The following SNX13 variants were observed in gnomAD, a reference collection of about 807,000 sequenced individuals.
The protein encoded by SNX13 is sorting nexin 13.
SNX13 carries 45 observed loss-of-function variants against 133.6 expected under a neutral mutation model. That is an observed-to-expected ratio of 0.34 (90% confidence interval 0.27 to 0.43). The LOEUF (loss-of-function observed/expected upper bound fraction) is 0.43, where lower values mean the gene tolerates loss of function less well. Among genes scored for constraint, SNX13 ranks in the 20% least tolerant of loss-of-function variants. The probability of loss-of-function intolerance (pLI) is 1.00; values close to 1 mark genes in which losing one functional copy is unlikely to be tolerated. For missense variants in SNX13, 1,032 were observed against 1,145.1 expected (o/e 0.90, Z 1.43); for synonymous variants, 414 against 373.9 (o/e 1.11, Z -1.24).
At position 17,793,850 on chromosome 7, in the gene SNX13, C is replaced by T. The variant is rs1783775302; in HGVS notation, c.*195G>A. The T allele has an allele frequency of 1.8e-6, 1 of 566,114 alleles. No homozygotes were observed. The highest frequency in any genetic ancestry group is 3.5e-5 in the South Asian group (1 of 28,758). 35.1% of individuals were successfully genotyped at this position (566,114 alleles called of 1,614,324 possible). A position where few individuals can be genotyped will look rare whatever the true frequency, so the allele number is the denominator to read the frequency against. Reference sequence around the variant, plus strand: ...AAAATATGCACCAAATCATTTAAGACACAGAAATCTCTCTTGGTAGTGGTG... The same window carrying T: ...AAAATATGCACCAAATCATTTAAGATACAGAAATCTCTCTTGGTAGTGGTG... On this transcript the variant is annotated 3_prime_UTR_variant, in exon 26 of 26. Coordinates refer to ENST00000428135, the MANE Select transcript of SNX13 (RefSeq NM_015132.5).
intron 1 of SNX13, among the ~76,000 whole-genome samples, chr7:17,911,952 G>C (rs1182201802): frequency 6.6e-6 from 1 of 152,134 alleles, no homozygotes; most frequent in Non-Finnish European, 1.5e-5. Flanking sequence ...CATAGTCTGA[G>C]GTCACTAAAT....
chr7:17,888,354 G>GA (rs924094118), intron 5 of SNX13: 307 of 185,044 alleles, frequency 1.7e-3, no homozygotes, highest in Middle Eastern at 4.4e-3. Context: ...GTTTTCAAAA[G>GA]AAAAAAAAAC....
At position 17,915,466 on chromosome 7, in the gene SNX13, G is replaced by A. The variant is rs553378292; in HGVS notation, c.13-18020C>T. 5.3e-4 allele frequency among the ~76,000 whole-genome samples: 81 copies of A among 152,234 alleles called. 1 individual carries two copies. In the East Asian group the frequency reaches 0.014, roughly 27 times the overall value. Reference sequence around the variant, plus strand: ...TATTGTAAGCCCGTCAATGATATGCGGTAAAGTCAACCGACAAACAACCCC... The same window carrying A: ...TATTGTAAGCCCGTCAATGATATGCAGTAAAGTCAACCGACAAACAACCCC... On this transcript the variant is annotated intron_variant, in intron 1 of 25. Coordinates refer to ENST00000428135, the MANE Select transcript of SNX13 (RefSeq NM_015132.5).
intron 5 of SNX13, 69 bp downstream of exon 5, chr7:17,890,294 G>A: frequency 2.8e-6 from 4 of 1,443,978 alleles, no homozygotes; most frequent in Non-Finnish European, 3.7e-6. Flanking sequence ...CCCCTTAAAA[G>A]TTGTTTTCCT....
chr7:17,816,498 C>A (rs1191341858), intron 18 of SNX13, among the ~76,000 whole-genome samples: 1 of 152,084 alleles, frequency 6.6e-6, no homozygotes. Flanking sequence ...CCTGTCTCTA[C>A]TAAAAATACA....
chr7:17,840,957 C>T (rs2128317078), intron 12 of SNX13, among the ~76,000 whole-genome samples: 1 of 152,104 alleles, frequency 6.6e-6, no homozygotes, highest in African/African-American at 2.4e-5. Context: ...CAGTCCATTC[C>T]AGCTCTTAGC....
intron 9 of SNX13, 112 bp from the exon 10 acceptor site, chr7:17,851,076 T>TA (rs1791145246): frequency 8.9e-7 from 1 of 1,117,366 alleles, no homozygotes; most frequent in Non-Finnish European, 1.2e-6. Context: ...ACTCAGTGCT[T>TA]ACAACAAAAA....
intron 8 of SNX13, 81 bp from the exon 9 acceptor site, chr7:17,868,571 C>T (rs1793682288): frequency 1.0e-5 from 11 of 1,086,292 alleles, no homozygotes; most frequent in African/African-American, 6.4e-5. Context: ...TAACACAATG[C>T]TGTTACTTAA....
intron 9 of SNX13, among the ~76,000 whole-genome samples, chr7:17,863,825 C>G (rs760494970): frequency 2.0e-5 from 3 of 152,240 alleles, no homozygotes; most frequent in African/African-American, 4.8e-5. Flanking sequence ...TACACAGAAA[C>G]AGACCCTTTG....
intron 1 of SNX13, among the ~76,000 whole-genome samples, chr7:17,900,418 C>T (rs1281886700): frequency 6.6e-6 from 1 of 152,204 alleles, no homozygotes; most frequent in Admixed American, 6.6e-5. Flanking sequence ...TTCTCCCATT[C>T]CTGGGCAGGT....
intron 25 of SNX13, 51 bp from the exon 26 acceptor site, chr7:17,794,343 C>T: frequency 1.3e-6 from 2 of 1,561,442 alleles, no homozygotes; most frequent in Non-Finnish European, 1.7e-6. Context: ...AAACACAAGG[C>T]CTAAACTCTT....
At chr7:17,886,841 G>C (rs142318612) in intron 5 of SNX13, among the ~76,000 whole-genome samples, 1 of 152,088 alleles carries the variant, frequency 6.6e-6, no homozygotes, top group African/African-American at 2.4e-5. Flanking sequence ...ACTCCGTTCA[G>C]GTCTTCATCA....
At chr7:17,882,055 T>C (rs1795406375) in intron 5 of SNX13, 2 of 152,226 alleles carry the variant, frequency 1.3e-5, no homozygotes, top group Admixed American at 6.5e-5. Context: ...AGTTAATGTA[T>C]GAGTACCCCC....
chr7:17,930,638 C>T (rs1447141462), intron 1 of SNX13, among the ~76,000 whole-genome samples: 3 of 152,198 alleles, frequency 2.0e-5, no homozygotes, highest in Admixed American at 6.5e-5. Context: ...GCAACCAATA[C>T]TCACTATTTG....
chr7:17,816,096 C>G (rs1786625961), intron 19 of SNX13, 86 bp downstream of exon 19: 1 of 1,373,628 alleles, frequency 7.3e-7, no homozygotes, highest in Non-Finnish European at 9.6e-7. Flanking sequence ...TAAAAACATT[C>G]TGTGTGCTAT....
At chr7:17,857,583 A>C (rs1792078014) in intron 9 of SNX13, among the ~76,000 whole-genome samples, 2 of 152,294 alleles carry the variant, frequency 1.3e-5, no homozygotes, top group Middle Eastern at 3.4e-3. Context: ...CAGGAGTTCA[A>C]GACCAGCCTG....
Position 17,825,254 on chromosome 7 carries a change from T to C in SNX13, c.1705+768A>G, listed in dbSNP as rs189482943. Among the ~76,000 whole-genome samples, 6 of 114,820 alleles carry C rather than the reference T, an allele frequency of 5.2e-5. No homozygotes were observed. The East Asian group carries it at 1.6e-3, about 31-fold the overall frequency. 75.3% of individuals were successfully genotyped at this position (114,820 alleles called of 152,430 possible). A position where few individuals can be genotyped will look rare whatever the true frequency, so the allele number is the denominator to read the frequency against. ...ACAAGTTAATGTCTTCTAAACTAGA[T>C]TAAACTAGACTAGACTAGACTAGAC... On this transcript the variant is annotated intron_variant, in intron 17 of 25. Transcript: ENST00000428135.
intron 11 of SNX13, among the ~76,000 whole-genome samples, chr7:17,849,160 T>C (rs1790905903): frequency 6.6e-6 from 1 of 152,188 alleles, no homozygotes; most frequent in South Asian, 2.1e-4. Context: ...GGATCTCAAA[T>C]TAAAATACCC....
Position 17,883,798 on chromosome 7 carries a change from T to A in SNX13, c.440+6565A>T, listed in dbSNP as rs182493947. Among the ~76,000 whole-genome samples, 596 of 151,964 alleles carry A rather than the reference T, an allele frequency of 3.9e-3. 5 individuals are homozygous for A. The highest frequency in any genetic ancestry group is 0.014 in the African/African-American group (576 of 41,432). On this transcript the variant is annotated intron_variant, in intron 5 of 25. Transcript: ENST00000428135. Reference sequence around the variant, plus strand: ...CATCGTTCTCATCTCATCACGCCACTCATGGGTGAGAACATACGGTGTTTG... The same window carrying A: ...CATCGTTCTCATCTCATCACGCCACACATGGGTGAGAACATACGGTGTTTG...
Sources: allele counts gnomAD v4.1 joint callset (sites outside exome capture counted in the v4.1 genomes callset), GRCh38; gene constraint gnomAD v4.1.1; transcripts MANE v1.5; gene names NCBI Gene and HGNC (gene_info 2026-07-23, HGNC 2026-07-21).